The following LRP8 variants were observed in gnomAD, a reference collection of about 807,000 sequenced individuals.
LRP8 encodes LDL receptor related protein 8.
LRP8 carries 46 observed loss-of-function variants against 111.6 expected under a neutral mutation model. The observed-to-expected ratio is 0.41, with a 90% CI of 0.33 to 0.53. LRP8 has a LOEUF of 0.53. Ranked by LOEUF, LRP8 falls within the 20% of genes least tolerant of loss-of-function variation. The pLI, the probability that LRP8 is intolerant of heterozygous loss-of-function variation, is 0.20. For synonymous variants in LRP8, 464 were observed against 511.2 expected, an observed-to-expected ratio of 0.91 and a Z score of 1.24; for missense variants, 959 against 1,297.4, an observed-to-expected ratio of 0.74 and a Z score of 4.01.
At chr1:53,269,450 A>G (rs1278078780) in intron 8 of LRP8, among the ~76,000 whole-genome samples, 3 of 151,804 alleles carry the variant, frequency 2.0e-5, no homozygotes, top group East Asian at 1.9e-4. Context: ...GTAGCTTGGG[A>G]CTATAGGTGC....
At chr1:53,288,224 G>A (rs1002357) in intron 3 of LRP8, 1 of 152,084 alleles carries the variant, frequency 6.6e-6, no homozygotes, top group Non-Finnish European at 1.5e-5. Context: ...TTGTTAGCTG[G>A]GCAGCCTTGG....
Position 53,246,885 on chromosome 1 carries a change from TAA to T in LRP8, c.*131_*132del. 4.2e-6 allele frequency: 3 copies of T among 707,980 alleles called. No individual in the cohort carries two copies. The highest frequency in any genetic ancestry group is 4.5e-6 in the Non-Finnish European group (2 of 442,984). The allele number at this position is 707,980 out of a possible 1,614,324, so 43.9% of individuals were successfully genotyped here. On this transcript the variant is annotated 3_prime_UTR_variant, in exon 19 of 19. Transcript: ENST00000306052. ...TGGTTACCTTTCCGCAACATAAATT[TAA>T]AAAAAAAATCACACACACACATACA...
Position 53,327,992 on chromosome 1 carries a change from C to A in LRP8, c.-80G>T, listed in dbSNP as rs1407747308. ...GCGTCTCAGCCCTCCGAGTCCTTGC[C>A]GCGGCGCCGGGGTTGCCGCTGCCCC... On this transcript the variant is annotated 5_prime_UTR_variant, in exon 1 of 19. Transcript: ENST00000306052. 25 of 916,022 alleles carry A rather than the reference C, an allele frequency of 2.7e-5. No individual in the cohort carries two copies. Among genetic ancestry groups the A allele is most frequent in the Admixed American group, 6.3e-5 (1 of 15,924 alleles). The allele number at this position is 916,022 out of a possible 1,614,324, so 56.7% of individuals were successfully genotyped here. A position where few individuals can be genotyped will look rare whatever the true frequency, so the allele number is the denominator to read the frequency against.
intron 4 of LRP8, among the ~76,000 whole-genome samples, chr1:53,277,303 C>T (rs1299958523): frequency 1.3e-5 from 2 of 152,318 alleles, no homozygotes; most frequent in African/African-American, 2.4e-5. Flanking sequence ...CCCCAGGCCT[C>T]ACTGGGTAAA....
At position 53,255,137 on chromosome 1, in the gene LRP8, A is replaced by G; in HGVS notation, c.2483T>C (p.Ile828Thr). Residue 828 changes from isoleucine to threonine, a missense_variant, in exon 16 of 19, where the codon ATC becomes ACC. Around this residue, in one of 3 missense-constraint regions of LRP8, gnomAD observed 819 missense variants for 1,097.6 expected, o/e 0.75. Transcript: ENST00000306052. ...CTCACCTATGGGCACGATGATCCCGATAACAGCGGCAGTGACTGTTGAGCC... is the reference window on the plus strand; with the variant it reads ...CTCACCTATGGGCACGATGATCCCGGTAACAGCGGCAGTGACTGTTGAGCC... Reference protein sequence around the residue: ...KMGSTVTAAVIGIIVPIVVIA... With the variant: ...KMGSTVTAAVTGIIVPIVVIA... 3 of 1,613,760 alleles carry G rather than the reference A, an allele frequency of 1.9e-6. No individual in the cohort carries two copies. Among genetic ancestry groups the G allele is most frequent in the South Asian group, 2.2e-5 (2 of 91,076 alleles).
intron 2 of LRP8, among the ~76,000 whole-genome samples, chr1:53,299,720 A>C (rs577440933): frequency 3.9e-5 from 6 of 152,238 alleles, no homozygotes; most frequent in African/African-American, 1.4e-4. Context: ...TTCTGGAGAG[A>C]GGTTAAGAAT....
At chr1:53,255,330 TC>T in intron 15 of LRP8, 145 bp from the exon 16 acceptor site, 1 of 709,832 alleles carries the variant, frequency 1.4e-6, no homozygotes, top group Non-Finnish European at 2.4e-6. Context: ...ATTCAGTCTT[TC>T]CAGATCCTAT....
chr1:53,266,458 G>T lies in LRP8; in HGVS notation c.1427+15C>A, dbSNP rs748757695. On this transcript the variant is annotated intron_variant, in intron 9 of 18. Transcript: ENST00000306052. This position sits in a 1 kb window ranked among gnomAD's most constrained non-coding sequence, Gnocchi z 5.0. ...CCACTCTTCATGCCTTGCTGCAGAGGATATGGCCGCTCACCTATAGATCTT... is the reference window on the plus strand; with the variant it reads ...CCACTCTTCATGCCTTGCTGCAGAGTATATGGCCGCTCACCTATAGATCTT... The T allele has an allele frequency of 1.5e-5, 24 of 1,613,292 alleles. No homozygotes were observed. In the South Asian group the frequency reaches 2.3e-4, roughly 16 times the overall value.
intron 2 of LRP8, among the ~76,000 whole-genome samples, 198 bp downstream of exon 2, chr1:53,326,675 T>G (rs1655171039): frequency 6.6e-6 from 1 of 152,008 alleles, no homozygotes; most frequent in Admixed American, 6.5e-5. Flanking sequence ...CACGCCAGCT[T>G]TCCTGCCCGC....
chr1:53,292,664 G>A (rs976699504), intron 2 of LRP8, among the ~76,000 whole-genome samples: 23 of 152,166 alleles, frequency 1.5e-4, no homozygotes, highest in African/African-American at 5.6e-4. Flanking sequence ...CACTCACTAG[G>A]TGCTTCCTCT....
chr1:53,276,651 G>A, intron 5 of LRP8, 41 bp downstream of exon 5: 1 of 1,443,194 alleles, frequency 6.9e-7, no homozygotes, highest in South Asian at 1.2e-5. Context: ...TAGCGGATCC[G>A]CAATCCCTGG....
chr1:53,259,000 A>G (rs946331303), intron 13 of LRP8, among the ~76,000 whole-genome samples: 3 of 152,244 alleles, frequency 2.0e-5, no homozygotes, highest in African/African-American at 7.2e-5. Context: ...ATGGCTGAGT[A>G]GTATTCCAAG....
intron 2 of LRP8, among the ~76,000 whole-genome samples, chr1:53,295,563 G>C (rs929754452): frequency 2.0e-5 from 3 of 152,126 alleles, no homozygotes; most frequent in Non-Finnish European, 2.9e-5. Flanking sequence ...TTGGGATTTC[G>C]TGAGGCCATG....
At chr1:53,291,599 C>T (rs528039001) in intron 2 of LRP8, among the ~76,000 whole-genome samples, 6 of 152,314 alleles carry the variant, frequency 3.9e-5, no homozygotes, top group African/African-American at 1.4e-4. Flanking sequence ...CAGTCTTGAT[C>T]AGTAGCCTCT....
intron 8 of LRP8, among the ~76,000 whole-genome samples, chr1:53,269,832 ACAGGGATTTG>A (rs1415819145): frequency 6.6e-6 from 1 of 152,226 alleles, no homozygotes; most frequent in Admixed American, 6.5e-5. Context: ...TTGAGGGCAG[ACAGGGATTTG>A]CATCTGTTTT....
At chr1:53,327,026 G>A in intron 1 of LRP8, 34 bp from the exon 2 acceptor site, 1 of 1,607,490 alleles carries the variant, frequency 6.2e-7, no homozygotes. Context: ...CTGGATCAGC[G>A]GACTCGGCCC....
intron 2 of LRP8, 25 bp from the exon 3 acceptor site, chr1:53,289,714 G>T: frequency 6.2e-7 from 1 of 1,612,852 alleles, no homozygotes; most frequent in East Asian, 2.2e-5. Context: ...AGAGAGCGTG[G>T]TGAGCCTGGG....
intron 2 of LRP8, among the ~76,000 whole-genome samples, chr1:53,322,627 T>C (rs755823316): frequency 6.6e-6 from 1 of 152,098 alleles, no homozygotes; most frequent in Non-Finnish European, 1.5e-5. Context: ...CTCTGGATAG[T>C]TGGGAGCCCC....
At chr1:53,316,308 G>T (rs995005632) in intron 2 of LRP8, among the ~76,000 whole-genome samples, 1 of 152,154 alleles carries the variant, frequency 6.6e-6, no homozygotes, top group Admixed American at 6.5e-5. Flanking sequence ...GTAGAGGCAG[G>T]CTGGGAATGG....
Sources: allele counts gnomAD v4.1 joint callset (sites outside exome capture counted in the v4.1 genomes callset), GRCh38; gene constraint gnomAD v4.1.1; regional missense constraint gnomAD v4.1.1; non-coding constraint Gnocchi (gnomAD v3.1); transcripts MANE v1.5; gene names NCBI Gene and HGNC (gene_info 2026-07-23, HGNC 2026-07-21).